The following HGSNAT variants were observed in gnomAD, a reference collection of about 807,000 sequenced individuals.
HGSNAT encodes the protein transmembrane protein 76.
A neutral mutation model predicts 85.2 loss-of-function variants in HGSNAT; 59 were observed. The ratio of observed to expected loss-of-function variants is 0.69; its 90% confidence interval spans 0.56 to 0.86. The LOEUF is 0.86. Among genes scored for constraint, HGSNAT ranks in the 40% least tolerant of loss-of-function variants. The pLI, the probability that HGSNAT is intolerant of heterozygous loss-of-function variation, is 0.00. For synonymous variants in HGSNAT, 321 were observed against 304.5 expected (o/e 1.05, Z -0.56); for missense variants, 756 against 777.1 (o/e 0.97, Z 0.32).
chr8:43,169,399 C>G (rs1803541339), intron 6 of HGSNAT, among the ~76,000 whole-genome samples, 157 bp downstream of exon 6: 1 of 152,228 alleles, frequency 6.6e-6, no homozygotes, highest in Non-Finnish European at 1.5e-5. Flanking sequence ...CTCTCTTCAG[C>G]TGCTGGGAAG....
intron 9 of HGSNAT, among the ~76,000 whole-genome samples, chr8:43,174,475 A>G (rs536647431): frequency 2.8e-4 from 43 of 152,330 alleles, no homozygotes; most frequent in Middle Eastern, 3.4e-3. Flanking sequence ...GAGTAGCTCA[A>G]TTCTGTCTCT....
At chr8:43,159,404 G>A (rs552059704) in intron 4 of HGSNAT, among the ~76,000 whole-genome samples, 1 of 152,190 alleles carries the variant, frequency 6.6e-6, no homozygotes, top group South Asian at 2.1e-4. Context: ...CCTGGGTGAT[G>A]TGGTAAAACC....
At chr8:43,186,149 T>C (rs935040188) in intron 11 of HGSNAT, among the ~76,000 whole-genome samples, 1 of 152,238 alleles carries the variant, frequency 6.6e-6, no homozygotes, top group Non-Finnish European at 1.5e-5. Flanking sequence ...GATGCTGGCC[T>C]CATAAAATGA....
At chr8:43,162,682 G>T (rs1803303950) in intron 5 of HGSNAT, among the ~76,000 whole-genome samples, 1 of 151,104 alleles carries the variant, frequency 6.6e-6, no homozygotes, top group African/African-American at 2.4e-5. Context: ...CTCCTAAGTA[G>T]TTGGGACTAC....
At chr8:43,154,525 C>T (rs940308306) in intron 2 of HGSNAT, among the ~76,000 whole-genome samples, 6 of 152,254 alleles carry the variant, frequency 3.9e-5, no homozygotes, top group African/African-American at 1.4e-4. Context: ...GACATGAACT[C>T]ATCCTTTTTT....
intron 17 of HGSNAT, 63 bp from the exon 18 acceptor site, chr8:43,199,325 A>G: frequency 1.7e-6 from 2 of 1,199,248 alleles, no homozygotes; most frequent in Non-Finnish European, 2.4e-6. Context: ...CAAGAATTAA[A>G]TAGATGGTTA....
intron 2 of HGSNAT, among the ~76,000 whole-genome samples, chr8:43,154,543 C>T (rs1055232028): frequency 2.0e-5 from 3 of 152,078 alleles, no homozygotes; most frequent in African/African-American, 7.2e-5. Context: ...TTTATCGCTG[C>T]CTAGTATTCC....
At chr8:43,176,866 G>A (rs1803828503) in intron 9 of HGSNAT, among the ~76,000 whole-genome samples, 2 of 152,172 alleles carry the variant, frequency 1.3e-5, no homozygotes, top group Admixed American at 1.3e-4. Context: ...TTGGCATATA[G>A]AAATGCTACT....
intron 5 of HGSNAT, 104 bp downstream of exon 5, chr8:43,161,611 G>T: frequency 1.3e-6 from 1 of 761,664 alleles, no homozygotes; most frequent in South Asian, 2.2e-5. Context: ...TCGATGATAT[G>T]AACATTTCTG....
chr8:43,197,130 G>T, intron 15 of HGSNAT, 105 bp downstream of exon 15: 1 of 738,102 alleles, frequency 1.4e-6, no homozygotes. Flanking sequence ...GTCACCACAT[G>T]GCAGCAGGTA....
At position 43,199,576 on chromosome 8, in the gene HGSNAT, C is replaced by G. The variant is rs751970467; in HGVS notation, c.*7C>G. 1.3e-6 allele frequency: 2 copies of G among 1,530,932 alleles called. No homozygotes were observed. The highest frequency in any genetic ancestry group is 1.3e-5 in the South Asian group (1 of 76,332). 94.8% of individuals were successfully genotyped at this position (1,530,932 alleles called of 1,614,324 possible). A position where few individuals can be genotyped will look rare whatever the true frequency, so the allele number is the denominator to read the frequency against. On this transcript the variant is annotated 3_prime_UTR_variant, in exon 18 of 18. Transcript: ENST00000379644. ...GATTTTTTGGAAAATCTGATGGCTC[C>G]CACTGAGATGTGCTGCTGGAAGACT...
Position 43,158,793 on chromosome 8 carries a change from C to T in HGSNAT, c.371+82C>T, listed in dbSNP as rs10958738. The stretch of plus-strand genomic sequence containing the variant: ...TTGGTTTTAGCTTTTTTTCTCTTTA[C>T]AGTATTTTTCTTTATCTTTTCTGGT... On this transcript the variant is annotated intron_variant, in intron 3 of 17. Transcript: ENST00000379644. The T allele has an allele frequency of 0.83, 1,256,656 of 1,510,162 alleles. 529,674 individuals are homozygous for T. Among genetic ancestry groups the T allele is most frequent in the Non-Finnish European group, 0.87 (974,118 of 1,125,522 alleles). 93.5% of individuals were successfully genotyped at this position (1,510,162 alleles called of 1,614,324 possible). A position where few individuals can be genotyped will look rare whatever the true frequency, so the allele number is the denominator to read the frequency against.
intron 9 of HGSNAT, among the ~76,000 whole-genome samples, chr8:43,174,993 T>C (rs559423231): frequency 7.0e-4 from 107 of 152,372 alleles, no homozygotes; most frequent in African/African-American, 2.5e-3. Context: ...CCACAAATAA[T>C]TGGAACATGG....
At chr8:43,174,702 T>C (rs1803748703) in intron 9 of HGSNAT, among the ~76,000 whole-genome samples, 1 of 152,264 alleles carries the variant, frequency 6.6e-6, no homozygotes, top group Non-Finnish European at 1.5e-5. Context: ...ATACAATGTG[T>C]AATAATCACA....
intron 15 of HGSNAT, 70 bp downstream of exon 15, chr8:43,197,095 G>A: frequency 1.9e-6 from 2 of 1,063,426 alleles, no homozygotes; most frequent in Non-Finnish European, 1.4e-6. Flanking sequence ...GGAATAAAAT[G>A]TTTAGCAACA....
At chr8:43,189,476 C>T (rs1804448160) in intron 11 of HGSNAT, among the ~76,000 whole-genome samples, 1 of 152,162 alleles carries the variant, frequency 6.6e-6, no homozygotes, top group Non-Finnish European at 1.5e-5. Flanking sequence ...TTGTTAAGAC[C>T]ATTGGAAAAG....
At chr8:43,166,477 C>T (rs1364128471) in intron 5 of HGSNAT, among the ~76,000 whole-genome samples, 1 of 152,188 alleles carries the variant, frequency 6.6e-6, no homozygotes, top group Non-Finnish European at 1.5e-5. Flanking sequence ...TATGCTAAAT[C>T]TCCTCTGTCT....
chr8:43,192,520 C>T (rs1349113722), intron 13 of HGSNAT, 90 bp downstream of exon 13: 1 of 1,398,672 alleles, frequency 7.1e-7, no homozygotes, highest in East Asian at 2.3e-5. Context: ...TAAACCATGC[C>T]CATTTAAGAA....
At chr8:43,159,979 G>A (rs1453242098) in intron 4 of HGSNAT, among the ~76,000 whole-genome samples, 1 of 152,222 alleles carries the variant, frequency 6.6e-6, no homozygotes, top group African/African-American at 2.4e-5. Context: ...GAGCCGATAT[G>A]AAAGGGCCAA....
Sources: allele counts gnomAD v4.1 joint callset (sites outside exome capture counted in the v4.1 genomes callset), GRCh38; gene constraint gnomAD v4.1.1; transcripts MANE v1.5; gene names NCBI Gene and HGNC (gene_info 2026-07-23, HGNC 2026-07-21).